Variants in PATL2 observed in about 807,000 individuals in gnomAD.
PATL2 encodes PAT1 homolog 2, also known as protein PAT1 homolog 2.
PATL2 carries 73 observed loss-of-function variants against 77.0 expected under a neutral mutation model. The observed-to-expected ratio is 0.95, with a 90% CI of 0.78 to 1.15. The LOEUF (loss-of-function observed/expected upper bound fraction) is 1.15. Ranked by LOEUF, PATL2 falls within the 50% of genes most tolerant of loss-of-function variation. The pLI is 0.00. For synonymous variants in PATL2, 265 were observed against 257.1 expected, an observed-to-expected ratio of 1.03 and a Z score of -0.29; for missense variants, 618 against 655.4, an observed-to-expected ratio of 0.94 and a Z score of 0.62.
rs1172872046 is a variant in PATL2 at position 44,670,084 on chromosome 15, A to G, written c.661T>C (p.Tyr221His). 2.6e-6 allele frequency: 4 copies of G among 1,551,544 alleles called. No individual in the cohort carries two copies. Among genetic ancestry groups the G allele is most frequent in the East Asian group, 4.9e-5 (2 of 40,928 alleles). Residue 221 changes from tyrosine (Y) to histidine (H), a missense_variant, in exon 10 of 18, where the codon TAT (tyrosine) becomes CAT (histidine). By Grantham distance (83) the Tyr-to-His change is moderately conservative. Coordinates refer to ENST00000682850, the MANE Select transcript of PATL2 (RefSeq NM_001387263.1). ...PRLDDYYYQE[Y>H]YQKLEKKQAD... is the part of the protein sequence containing the mutation. ...TGCTTCTTCTCTAGCTTCTGGTAATATTCCTGAGAATGCACGGAATAGGAA... is the reference window on the plus strand; with the variant it reads ...TGCTTCTTCTCTAGCTTCTGGTAATGTTCCTGAGAATGCACGGAATAGGAA...
intron 3 of PATL2, among the ~76,000 whole-genome samples, chr15:44,698,110 A>G (rs28464317): frequency 2.6e-5 from 2 of 78,086 alleles, no homozygotes; most frequent in Admixed American, 1.3e-4. Context: ...TTTATTTTTA[A>G]TTTTCATGGG....
rs2086822966 is a variant in PATL2, at chr15:44,710,096, T to A, written c.-76A>T. 6.6e-6 allele frequency among the ~76,000 whole-genome samples: 1 copy of A among 152,254 alleles called. No homozygotes were observed. The highest frequency in any genetic ancestry group is 2.1e-4 in the South Asian group (1 of 4,830). ...TTATTAAACACTACAGAACACTTAC[T>A]ATGTACCAGGCATTGTGGGAGGCTC... On this transcript the variant is annotated splice_region_variant and 5_prime_UTR_variant, in exon 3 of 18. The change abolishes the stop of an existing upstream ORF in the 5' untranslated region. Transcript: ENST00000682850.
chr15:44,709,366 C>T (rs751142245), intron 3 of PATL2, among the ~76,000 whole-genome samples: 1 of 152,022 alleles, frequency 6.6e-6, no homozygotes, highest in Admixed American at 6.6e-5. Flanking sequence ...AATTGCACTA[C>T]TGGGAGATAA....
intron 3 of PATL2, among the ~76,000 whole-genome samples, chr15:44,696,098 C>T (rs150256648): frequency 3.0e-4 from 46 of 152,304 alleles, no homozygotes; most frequent in African/African-American, 1.1e-3. Context: ...TTTAATAGTG[C>T]TGCACGGAAT....
chr15:44,692,648 G>A (rs570744732), intron 3 of PATL2, among the ~76,000 whole-genome samples: 1 of 152,378 alleles, frequency 6.6e-6, no homozygotes, highest in South Asian at 2.1e-4. Context: ...GGTGAACACT[G>A]AGATCAGATG....
intron 3 of PATL2, among the ~76,000 whole-genome samples, chr15:44,707,773 G>T (rs1038067998): frequency 6.6e-6 from 1 of 152,174 alleles, no homozygotes; most frequent in Non-Finnish European, 1.5e-5. Flanking sequence ...ACATTCACTG[G>T]CTCTGAGCCC....
At chr15:44,682,967 C>T (rs1418852668) in intron 3 of PATL2, among the ~76,000 whole-genome samples, 1 of 152,170 alleles carries the variant, frequency 6.6e-6, no homozygotes, top group Non-Finnish European at 1.5e-5. Context: ...TGGGGCATTG[C>T]CTTACCCGGG....
chr15:44,709,518 C>G (rs933562806), intron 3 of PATL2, among the ~76,000 whole-genome samples: 1 of 151,248 alleles, frequency 6.6e-6, no homozygotes, highest in Admixed American at 6.6e-5. Flanking sequence ...TCTGTCTCCA[C>G]AAAAATATTA....
chr15:44,710,007 C>T (rs1371042689), intron 3 of PATL2, among the ~76,000 whole-genome samples, 89 bp downstream of exon 3: 1 of 152,166 alleles, frequency 6.6e-6, no homozygotes, highest in African/African-American at 2.4e-5. Flanking sequence ...CAATTATTCT[C>T]ATATTTTAGT....
At chr15:44,666,290 C>G in intron 17 of PATL2, 102 bp downstream of exon 17, 1 of 1,427,716 alleles carries the variant, frequency 7.0e-7, no homozygotes, top group Non-Finnish European at 9.6e-7. Context: ...AACACATGAT[C>G]CTTCATGCTC....
intron 4 of PATL2, chr15:44,675,908 G>A (rs2085932208): frequency 1.9e-6 from 1 of 536,388 alleles, no homozygotes; most frequent in Non-Finnish European, 3.3e-6. Context: ...TGAGCCAGGT[G>A]TGGTGGCTCG....
At chr15:44,674,925 T>A (rs945036221) in intron 5 of PATL2, 1 of 152,456 alleles carries the variant, frequency 6.6e-6, no homozygotes, top group Admixed American at 6.5e-5. Flanking sequence ...AGAACAGTTA[T>A]AACAATATAC....
intron 3 of PATL2, among the ~76,000 whole-genome samples, chr15:44,684,833 AG>A (rs2086218013): frequency 6.6e-6 from 1 of 152,222 alleles, no homozygotes; most frequent in Admixed American, 6.5e-5. Flanking sequence ...AAAAATGTTA[AG>A]AGCAGCCAGA....
chr15:44,688,553 C>T (rs926794788), intron 3 of PATL2, among the ~76,000 whole-genome samples: 4 of 152,074 alleles, frequency 2.6e-5, no homozygotes, highest in African/African-American at 9.7e-5. Context: ...AGAAATAACA[C>T]CACACATCTA....
In PATL2 at chr15:44,695,049, G is replaced by A. The variant is rs145564089; in HGVS notation, c.-76+15047C>T. ...AAAAATACAAAAAAATTAGCTGGGC[G>A]TGGTGGCACGTGCCTGTAGTCCCAG... On this transcript the variant is annotated intron_variant, in intron 3 of 17. Coordinates refer to ENST00000682850, the MANE Select transcript of PATL2 (RefSeq NM_001387263.1). Among the ~76,000 whole-genome samples the A allele has an allele frequency of 1.4e-4, 22 of 152,184 alleles. No homozygotes were observed. The East Asian group carries it at 3.1e-3, about 21-fold the overall frequency.
intron 3 of PATL2, among the ~76,000 whole-genome samples, chr15:44,703,752 T>TTTTTA (rs1305266405): frequency 1.6e-5 from 2 of 123,632 alleles, no homozygotes; most frequent in East Asian, 5.4e-4. Flanking sequence ...TTTTTTTTTT[T>TTTTTA]AAATCCATTC....
chr15:44,701,191 G>C (rs2086621613), intron 3 of PATL2, among the ~76,000 whole-genome samples: 1 of 151,310 alleles, frequency 6.6e-6, no homozygotes, highest in East Asian at 1.9e-4. Flanking sequence ...TCACTTTAAT[G>C]TGTTGTTGAA....
chr15:44,696,305 G>T lies in PATL2; in HGVS notation c.-76+13791C>A, dbSNP rs116201072. Among the ~76,000 whole-genome samples, 959 of 152,242 alleles carry T rather than the reference G, an allele frequency of 6.3e-3. 8 individuals are homozygous for T. The highest frequency in any genetic ancestry group is 0.021 in the African/African-American group (886 of 41,542). On this transcript the variant is annotated intron_variant, in intron 3 of 17. Transcript: ENST00000682850. ...ACTCCCACACAATTAAGAGATTTTG[G>T]CTTCAACATTTACCTAATCCATTTC...
chr15:44,691,660 CAAA>C (rs551878031), intron 3 of PATL2, among the ~76,000 whole-genome samples: 1 of 100,114 alleles, frequency 1.0e-5, no homozygotes. Flanking sequence ...GACTCTGTCT[CAAA>C]AAAAAAAAAA....
Sources: gnomAD v4.1 joint callset for allele counts (sites outside exome capture counted in the v4.1 genomes callset) on GRCh38, gnomAD v4.1.1 for gene constraint, MANE v1.5 for transcripts, NCBI Gene and HGNC (gene_info 2026-07-23, HGNC 2026-07-21) for gene names.